The following C1orf21 variants were observed in gnomAD, a reference collection of about 807,000 sequenced individuals.
The protein encoded by C1orf21 is uncharacterized protein C1orf21.
C1orf21 carries 3 observed loss-of-function variants against 18.7 expected under a neutral mutation model. That is an observed-to-expected ratio of 0.16 (90% CI 0.07 to 0.42). C1orf21 has a LOEUF of 0.42. Ranked by LOEUF, C1orf21 falls within the 10% of genes least tolerant of loss-of-function variation. C1orf21 has a pLI of 0.99. For missense variants in C1orf21, 104 were observed against 143.6 expected (o/e 0.72, Z 1.41); for synonymous variants, 41 against 46.4 (o/e 0.88, Z 0.47).
chr1:184,474,683 T>C (rs1460420884), intron 1 of C1orf21, among the ~76,000 whole-genome samples: 2 of 152,204 alleles, frequency 1.3e-5, no homozygotes, highest in East Asian at 3.9e-4. Context: ...TGTCTCTTAA[T>C]TCTCAGTGTA....
intron 1 of C1orf21, among the ~76,000 whole-genome samples, chr1:184,445,856 C>T (rs1429865191): frequency 1.3e-5 from 2 of 152,256 alleles, no homozygotes; most frequent in African/African-American, 4.8e-5. Context: ...CATAACCTCT[C>T]TTTATTACCA....
intron 3 of C1orf21, among the ~76,000 whole-genome samples, chr1:184,579,494 C>CTTT (rs60469440): frequency 2.0e-5 from 2 of 98,120 alleles, no homozygotes; most frequent in Non-Finnish European, 3.9e-5. Flanking sequence ...TCAAGATTTT[C>CTTT]TTTTTTTTTT....
chr1:184,563,191 G>A (rs924686295), intron 3 of C1orf21, among the ~76,000 whole-genome samples: 1 of 152,126 alleles, frequency 6.6e-6, no homozygotes, highest in African/African-American at 2.4e-5. Context: ...CATCAATAAT[G>A]CTCTAGAGAC....
intron 3 of C1orf21, among the ~76,000 whole-genome samples, chr1:184,556,421 G>T (rs534132113): frequency 1.3e-5 from 2 of 152,296 alleles, no homozygotes; most frequent in African/African-American, 4.8e-5. Flanking sequence ...TGTCTGTCAT[G>T]GACCCAGGCA....
chr1:184,482,184 C>T (rs1490784665), intron 2 of C1orf21, among the ~76,000 whole-genome samples: 1 of 152,204 alleles, frequency 6.6e-6, no homozygotes, highest in Non-Finnish European at 1.5e-5. Context: ...CTCAGTCATG[C>T]AGCTGCATAC....
At chr1:184,502,556 T>C (rs1469043140) in intron 2 of C1orf21, among the ~76,000 whole-genome samples, 1 of 152,074 alleles carries the variant, frequency 6.6e-6, no homozygotes, top group African/African-American at 2.4e-5. Flanking sequence ...AAGCATTAGG[T>C]TTCAGTAGTG....
chr1:184,492,094 G>A (rs1302161712), intron 2 of C1orf21, among the ~76,000 whole-genome samples: 1 of 152,168 alleles, frequency 6.6e-6, no homozygotes, highest in Middle Eastern at 3.2e-3. Context: ...ACTCCTCTTA[G>A]AGATCACAGT....
At chr1:184,454,657 G>A (rs1291513685) in intron 1 of C1orf21, among the ~76,000 whole-genome samples, 1 of 151,914 alleles carries the variant, frequency 6.6e-6, no homozygotes, top group Admixed American at 6.6e-5. Context: ...AATCTATATG[G>A]CACCTCCCCT....
intron 2 of C1orf21, among the ~76,000 whole-genome samples, chr1:184,489,922 T>A (rs2207528): frequency 2.0e-5 from 3 of 152,038 alleles, no homozygotes; most frequent in African/African-American, 7.3e-5. Flanking sequence ...GTCTTGAATC[T>A]TTTATGTTTA....
chr1:184,527,704 G>T (rs1047648008), intron 3 of C1orf21, among the ~76,000 whole-genome samples: 7 of 152,140 alleles, frequency 4.6e-5, no homozygotes, highest in Non-Finnish European at 1.0e-4. Context: ...GAGAAACCCA[G>T]ATTTAGATAT....
At chr1:184,463,101 A>G (rs1373070192) in intron 1 of C1orf21, among the ~76,000 whole-genome samples, 1 of 150,032 alleles carries the variant, frequency 6.7e-6, no homozygotes, top group Middle Eastern at 3.2e-3. Flanking sequence ...AAAAAAAAAA[A>G]AGAAGAAGAA....
intron 1 of C1orf21, among the ~76,000 whole-genome samples, chr1:184,443,199 G>C (rs1333101741): frequency 6.6e-6 from 1 of 152,134 alleles, no homozygotes; most frequent in East Asian, 1.9e-4. Flanking sequence ...TCTACTCCTT[G>C]CGTGCAAATT....
intron 2 of C1orf21, among the ~76,000 whole-genome samples, chr1:184,493,152 G>T (rs1247587949): frequency 6.6e-6 from 1 of 152,106 alleles, no homozygotes; most frequent in Non-Finnish European, 1.5e-5. Context: ...AATAAAAATG[G>T]TCTTTGACAG....
chr1:184,525,979 T>C (rs901682688), intron 3 of C1orf21, among the ~76,000 whole-genome samples: 1 of 152,170 alleles, frequency 6.6e-6, no homozygotes, highest in Non-Finnish European at 1.5e-5. Flanking sequence ...ACATTCACCA[T>C]GTGGACAAAT....
chr1:184,582,770 G>A (rs1362578593), intron 3 of C1orf21, among the ~76,000 whole-genome samples: 1 of 152,184 alleles, frequency 6.6e-6, no homozygotes. Context: ...TCGGCATCCT[G>A]AACATGGGTG....
intron 1 of C1orf21, among the ~76,000 whole-genome samples, chr1:184,467,622 A>G (rs1044246591): frequency 6.6e-6 from 1 of 152,140 alleles, no homozygotes; most frequent in African/African-American, 2.4e-5. Context: ...TACAATTCCT[A>G]AAAACCACCA....
intron 1 of C1orf21, among the ~76,000 whole-genome samples, chr1:184,430,140 G>T (rs1004383489): frequency 3.4e-5 from 5 of 148,682 alleles, no homozygotes; most frequent in Non-Finnish European, 7.5e-5. Flanking sequence ...AAAATCCATT[G>T]TTTATCTGAA....
intron 1 of C1orf21, among the ~76,000 whole-genome samples, chr1:184,434,741 T>C (rs1395199259): frequency 6.6e-6 from 1 of 152,122 alleles, no homozygotes; most frequent in Non-Finnish European, 1.5e-5. Flanking sequence ...CATAAGATAT[T>C]CCTAGAAACG....
At chr1:184,479,926 A>T (rs766325251) in intron 2 of C1orf21, among the ~76,000 whole-genome samples, 1 of 152,134 alleles carries the variant, frequency 6.6e-6, no homozygotes, top group African/African-American at 2.4e-5. Context: ...CCCGGCCCTC[A>T]TTCTTTAATG....
Sources: gnomAD v4.1 joint callset for allele counts (sites outside exome capture counted in the v4.1 genomes callset) on GRCh38, gnomAD v4.1.1 for gene constraint, MANE v1.5 for transcripts, NCBI Gene and HGNC (gene_info 2026-07-23, HGNC 2026-07-21) for gene names.